The following OR2T12 variants were observed in gnomAD, a reference collection of about 807,000 sequenced individuals.
OR2T12 encodes olfactory receptor 2T12.
For missense variants in OR2T12, 335 were observed against 404.3 expected, an observed-to-expected ratio of 0.83 and a Z score of 1.47; for synonymous variants, 127 against 160.5, an observed-to-expected ratio of 0.79 and a Z score of 1.58.
intron 2 of OR2T12, among the ~76,000 whole-genome samples, chr1:248,296,889 TG>T (rs1244358798): frequency 1.3e-5 from 2 of 152,252 alleles, no homozygotes; most frequent in African/African-American, 4.8e-5. Flanking sequence ...TGTCTTTTGT[TG>T]CCATTGCTTT....
At chr1:248,300,564 T>C (rs777915417) in intron 2 of OR2T12, among the ~76,000 whole-genome samples, 1 of 152,132 alleles carries the variant, frequency 6.6e-6, no homozygotes, top group Non-Finnish European at 1.5e-5. Context: ...AAATACATTG[T>C]ATTGCCTCAA....
Position 248,294,774 on chromosome 1 carries a change from C to A in OR2T12, c.805G>T (p.Asp269Tyr), listed in dbSNP as rs267598501. 6 of 1,613,922 alleles carry A rather than the reference C, an allele frequency of 3.7e-6. No homozygotes were observed. Among genetic ancestry groups the A allele is most frequent in the Non-Finnish European group, 5.1e-6 (6 of 1,179,936 alleles). The change falls in exon 3 of 3, where the codon GAT (aspartate) becomes TAT (tyrosine). Residue 269 changes from aspartate (D) to tyrosine (Y), a missense_variant. Physicochemically the swap from Asp to Tyr is radical, Grantham distance 160. Transcript: ENST00000641276. Reference protein sequence around the residue: ...RPKSHRSTNHDKVVSAFYTMF... With the variant: ...RPKSHRSTNHYKVVSAFYTMF... ...GTATAGAAGGCTGACACAACCTTAT[C>A]GTGGTTAGTGGACCTGTGGGATTTG... is the stretch of plus-strand genomic sequence containing the variant.
At chr1:248,298,157 T>A (rs1309390390) in intron 2 of OR2T12, among the ~76,000 whole-genome samples, 2 of 152,328 alleles carry the variant, frequency 1.3e-5, no homozygotes, top group East Asian at 1.9e-4. Context: ...TTACATTTAT[T>A]GATTTGCTTA....
chr1:248,298,461 C>T lies in OR2T12; in HGVS notation c.-8-2875G>A, dbSNP rs554672657. 1.1e-4 allele frequency among the ~76,000 whole-genome samples: 17 copies of T among 152,192 alleles called. No homozygotes were observed. The East Asian group carries it at 2.5e-3, about 22-fold the overall frequency. On this transcript the variant is annotated intron_variant, in intron 2 of 2. Transcript: ENST00000641276. ...CTCCTTGTACCTCTGGTAGAATTTG[C>T]CTGTGAATCCTTCTGGTCCTGGACT...
chr1:248,299,991 A>G (rs1264107944), intron 2 of OR2T12, among the ~76,000 whole-genome samples: 1 of 152,196 alleles, frequency 6.6e-6, no homozygotes, highest in Admixed American at 6.5e-5. Context: ...AACCAACAAG[A>G]ACAAAGACAC....
rs771048088 is a variant in OR2T12 at position 248,295,047 on chromosome 1, C to G, written c.532G>C (p.Glu178Gln). The change falls in exon 3 of 3, where the codon GAG becomes CAG. Residue 178 changes from glutamate (E) to glutamine (Q), a missense_variant. Glu to Gln is a conservative substitution (Grantham distance 29, BLOSUM62 2). Coordinates refer to ENST00000641276, the MANE Select transcript of OR2T12 (RefSeq NM_001004692.2). Reference sequence around the variant, plus strand: ...GCCAAACGCACCAACACGGGGGCCTCGCAGAAGAAGTGATCGATCTCGTGT... The same window carrying G: ...GCCAAACGCACCAACACGGGGGCCTGGCAGAAGAAGTGATCGATCTCGTGT... ...GAHEIDHFFC[E>Q]APVLVRLACA... The G allele has an allele frequency of 6.2e-7, 1 of 1,607,244 alleles. No homozygotes were observed. Among genetic ancestry groups the G allele is most frequent in the African/African-American group, 1.4e-5 (1 of 73,036 alleles).
chr1:248,291,921 C>CA lies in OR2T12; in HGVS notation c.*2694dup, dbSNP rs1464579143. Reference sequence around the variant, plus strand: ...CTGGACCCCTTCCTTCAACTTTATACAAAAAATCACTCAAGATGAAGACTT... The same window carrying CA: ...CTGGACCCCTTCCTTCAACTTTATACAAAAAAATCACTCAAGATGAAGACTT... On this transcript the variant is annotated 3_prime_UTR_variant, in exon 3 of 3. Coordinates refer to ENST00000641276, the MANE Select transcript of OR2T12 (RefSeq NM_001004692.2). 3 of 151,946 alleles carry CA rather than the reference C, an allele frequency of 2.0e-5. No individual in the cohort carries two copies. Among genetic ancestry groups the CA allele is most frequent in the African/African-American group, 4.8e-5 (2 of 41,362 alleles). 9.4% of individuals were successfully genotyped at this position (151,946 alleles called of 1,614,324 possible).
At position 248,303,042 on chromosome 1, in the gene OR2T12, C is replaced by T. The variant is rs368879170; in HGVS notation, c.-190+304G>A. On this transcript the variant is annotated intron_variant, in intron 1 of 2. Transcript: ENST00000641276. ...AATCATGTCCTGTTCTCATCTGCTACGTTTCTCCTCTGACTCCCATTCACT... is the reference window on the plus strand; with the variant it reads ...AATCATGTCCTGTTCTCATCTGCTATGTTTCTCCTCTGACTCCCATTCACT... 4.6e-5 allele frequency among the ~76,000 whole-genome samples: 7 copies of T among 152,228 alleles called. No individual in the cohort carries two copies. The East Asian group carries it at 7.7e-4, about 17-fold the overall frequency.
intron 1 of OR2T12, among the ~76,000 whole-genome samples, chr1:248,302,400 T>C (rs115684974): frequency 0.021 from 3,170 of 152,204 alleles, 101 homozygotes; most frequent in African/African-American, 0.072. Flanking sequence ...AAATCTATTA[T>C]AAAGCACAGC....
At chr1:248,296,407 C>A (rs139125253) in intron 2 of OR2T12, among the ~76,000 whole-genome samples, 1,830 of 152,276 alleles carry the variant, frequency 0.012, 27 homozygotes, top group African/African-American at 0.029. Context: ...ATTTCTAGTT[C>A]TAGATCCCTG....
In OR2T12 at chr1:248,295,484, G is replaced by T; in HGVS notation, c.95C>A (p.Thr32Asn). The T allele has an allele frequency of 1.9e-6, 3 of 1,608,262 alleles. No homozygotes were observed. In the East Asian group the frequency reaches 6.7e-5, roughly 36 times the overall value. The part of the protein sequence containing the change: ...HQVLFMMLLA[T>N]VLTSLFSNAL... ...ATTGCTAAACAGGGAGGTCAAAACG[G>T]TGGCCAGAAGCATCATGAAGAGGAC... Residue 32 changes from threonine to asparagine, a missense_variant, in exon 3 of 3, where the codon ACC becomes AAC. Coordinates refer to ENST00000641276, the MANE Select transcript of OR2T12 (RefSeq NM_001004692.2).
Position 248,293,551 on chromosome 1 carries a change from C to G in OR2T12, c.*1065G>C, listed in dbSNP as rs1233596000. 1 of 151,960 alleles carries G rather than the reference C, an allele frequency of 6.6e-6. No homozygotes were observed. Among genetic ancestry groups the G allele is most frequent in the African/African-American group, 2.4e-5 (1 of 41,418 alleles). The allele number at this position is 151,960 out of a possible 1,614,324, so 9.4% of individuals were successfully genotyped here. ...AATAGTATAGTCTTCTTTTATTCTT[C>G]TGCAAACTCCAAATCTTTAAAATGT... On this transcript the variant is annotated 3_prime_UTR_variant, in exon 3 of 3. Coordinates refer to ENST00000641276, the MANE Select transcript of OR2T12 (RefSeq NM_001004692.2).
intron 2 of OR2T12, among the ~76,000 whole-genome samples, chr1:248,297,261 G>A (rs567529297): frequency 1.2e-3 from 176 of 152,162 alleles, no homozygotes; most frequent in African/African-American, 4.1e-3. Context: ...CTGTAGCCTT[G>A]TAGTATAGTT....
At position 248,295,220 on chromosome 1, in the gene OR2T12, C is replaced by A; in HGVS notation, c.359G>T (p.Arg120Leu). ...GAGTGGGTGGCAGACAGCCGCATAGCGGTCATAGGCCATGGCTGCTAAGAG... is the reference window on the plus strand; with the variant it reads ...GAGTGGGTGGCAGACAGCCGCATAGAGGTCATAGGCCATGGCTGCTAAGAG... ...CFLLAAMAYDRYAAVCHPLRY... is the reference protein window; with the variant it reads ...CFLLAAMAYDLYAAVCHPLRY... Residue 120 changes from arginine (R) to leucine (L), a missense_variant, in exon 3 of 3, where the codon CGC becomes CTC. By Grantham distance (102) the Arg-to-Leu change is moderately radical. Coordinates refer to ENST00000641276, the MANE Select transcript of OR2T12 (RefSeq NM_001004692.2). 6.2e-7 allele frequency: 1 copy of A among 1,609,336 alleles called. No homozygotes were observed. The highest frequency in any genetic ancestry group is 2.3e-4 in the Middle Eastern group (1 of 4,444).
intron 2 of OR2T12, among the ~76,000 whole-genome samples, chr1:248,300,848 A>T (rs566932592): frequency 6.6e-6 from 1 of 152,198 alleles, no homozygotes; most frequent in African/African-American, 2.4e-5. Flanking sequence ...TCAGTTGGCA[A>T]AGTGTTCTTT....
rs1419615610 is a variant in OR2T12 at position 248,290,163 on chromosome 1, C to T, written c.*4453G>A. 1 of 151,918 alleles carries T rather than the reference C, an allele frequency of 6.6e-6. No homozygotes were observed. The highest frequency in any genetic ancestry group is 2.4e-5 in the African/African-American group (1 of 41,360). 9.4% of individuals were successfully genotyped at this position (151,918 alleles called of 1,614,324 possible). On this transcript the variant is annotated 3_prime_UTR_variant, in exon 3 of 3. Transcript: ENST00000641276. ...GTTTCCCTCCCTGTGTCCATGTATTCTCATTGTTCATGAACAGAGGCCTCA... is the reference window on the plus strand; with the variant it reads ...GTTTCCCTCCCTGTGTCCATGTATTTTCATTGTTCATGAACAGAGGCCTCA...
chr1:248,297,284 G>C (rs1490502091), intron 2 of OR2T12, among the ~76,000 whole-genome samples: 1 of 152,072 alleles, frequency 6.6e-6, no homozygotes, highest in South Asian at 2.1e-4. Context: ...AAGTCAGGTA[G>C]CGTGATGCCT....
chr1:248,298,294 G>A (rs372274934), intron 2 of OR2T12, among the ~76,000 whole-genome samples: 1,621 of 152,102 alleles, frequency 0.011, 21 homozygotes, highest in East Asian at 0.044. Context: ...TTCATCAAGG[G>A]TATTGGTCTA....
Position 248,301,923 on chromosome 1 carries a change from G to A in OR2T12, c.-189-370C>T, listed in dbSNP as rs566713344. Reference sequence around the variant, plus strand: ...TCATGGTCAGATTTTATGACACTGTGATACTGTGCACAGGCCAGAGCAATA... The same window carrying A: ...TCATGGTCAGATTTTATGACACTGTAATACTGTGCACAGGCCAGAGCAATA... On this transcript the variant is annotated intron_variant, in intron 1 of 2. Coordinates refer to ENST00000641276, the MANE Select transcript of OR2T12 (RefSeq NM_001004692.2). 2.6e-4 allele frequency among the ~76,000 whole-genome samples: 39 copies of A among 152,006 alleles called. 1 individual carries two copies. Among genetic ancestry groups the A allele is most frequent in the African/African-American group, 9.2e-4 (38 of 41,476 alleles).
Sources: allele counts gnomAD v4.1 joint callset (sites outside exome capture counted in the v4.1 genomes callset), GRCh38; gene constraint gnomAD v4.1.1; transcripts MANE v1.5; gene names NCBI Gene and HGNC (gene_info 2026-07-23, HGNC 2026-07-21).